The following RBL1 variants were observed in gnomAD, a reference collection of about 807,000 sequenced individuals.
RBL1 encodes retinoblastoma-like protein 1.
Under a neutral mutation model 123.0 loss-of-function variants are expected in RBL1, and 82 were observed. The observed-to-expected ratio is 0.67, with a 90% CI of 0.56 to 0.80. The LOEUF is 0.80. RBL1 is among the 30% of genes least tolerant of loss of function. The pLI is 0.00. For synonymous variants in RBL1, 405 were observed against 441.3 expected (o/e 0.92, Z 1.03); for missense variants, 1,171 against 1,299.6 (o/e 0.90, Z 1.52).
chr20:37,012,626 A>T (rs868863489), intron 19 of RBL1, among the ~76,000 whole-genome samples: 2 of 129,468 alleles, frequency 1.5e-5, no homozygotes, highest in African/African-American at 6.5e-5. Flanking sequence ...CCCTCCGCCC[A>T]GCAGCCACCC....
At chr20:37,069,579 A>T (rs1473838026) in intron 2 of RBL1, among the ~76,000 whole-genome samples, 1 of 141,182 alleles carries the variant, frequency 7.1e-6, no homozygotes, top group East Asian at 2.1e-4. Context: ...CCCGTCTGAG[A>T]AGTGAGGAGA....
intron 19 of RBL1, among the ~76,000 whole-genome samples, chr20:37,012,622 G>A (rs1361050926): frequency 3.5e-5 from 5 of 144,190 alleles, no homozygotes; most frequent in Non-Finnish European, 4.4e-5. Context: ...GAGCCCCTCC[G>A]CCCAGCAGCC....
At chr20:37,005,952 G>A (rs2064065459) in intron 20 of RBL1, among the ~76,000 whole-genome samples, 1 of 142,146 alleles carries the variant, frequency 7.0e-6, no homozygotes, top group Admixed American at 7.5e-5. Context: ...CTGGAGTGTG[G>A]TGGTGCGATT....
At chr20:37,069,407 C>G (rs552358377) in intron 2 of RBL1, among the ~76,000 whole-genome samples, 32 of 147,776 alleles carry the variant, frequency 2.2e-4, no homozygotes, top group African/African-American at 7.6e-4. Context: ...ACCTCTTCCT[C>G]GCCGCCATCC....
chr20:37,084,344 T>C (rs1290056432), intron 2 of RBL1, among the ~76,000 whole-genome samples: 1 of 151,998 alleles, frequency 6.6e-6, no homozygotes, highest in African/African-American at 2.4e-5. Flanking sequence ...CATGGCTAAA[T>C]AGATGAAAGA....
At chr20:37,065,926 TAA>T (rs1425019708) in intron 6 of RBL1, among the ~76,000 whole-genome samples, 1 of 152,142 alleles carries the variant, frequency 6.6e-6, no homozygotes, top group Non-Finnish European at 1.5e-5. Context: ...TGGGATCCTT[TAA>T]AAAAAGTTTA....
intron 16 of RBL1, among the ~76,000 whole-genome samples, chr20:37,031,954 C>G (rs2064520926): frequency 6.7e-6 from 1 of 150,134 alleles, no homozygotes; most frequent in Non-Finnish European, 1.5e-5. Context: ...CACTGTGTCG[C>G]CCAGGGTGGT....
intron 21 of RBL1, among the ~76,000 whole-genome samples, chr20:37,001,341 T>C (rs2063976688): frequency 6.6e-6 from 1 of 151,438 alleles, no homozygotes; most frequent in South Asian, 2.1e-4. Context: ...GGGGAAAAGA[T>C]TGAGAAATCG....
chr20:37,009,378 CTTG>C (rs2064119433), intron 19 of RBL1, among the ~76,000 whole-genome samples: 1 of 152,150 alleles, frequency 6.6e-6, no homozygotes, highest in African/African-American at 2.4e-5. Flanking sequence ...AGGATACTGG[CTTG>C]TTAACAGCTC....
rs757205019 is a variant in RBL1, at chr20:37,095,964, C to T, written c.-36G>A. 2 of 1,454,668 alleles carry T rather than the reference C, an allele frequency of 1.4e-6. No individual in the cohort carries two copies. Among genetic ancestry groups the T allele is most frequent in the African/African-American group, 1.4e-5 (1 of 70,888 alleles). The allele number at this position is 1,454,668 out of a possible 1,614,324, so 90.1% of individuals were successfully genotyped here. A position where few individuals can be genotyped will look rare whatever the true frequency, so the allele number is the denominator to read the frequency against. On this transcript the variant is annotated 5_prime_UTR_variant, in exon 1 of 22. Transcript: ENST00000373664. Reference sequence around the variant, plus strand: ...CCCGCGGGCTGCGCGCCACGGCCCCCGACTTCTTTCTCCCTCCCAGGCGCG... The same window carrying T: ...CCCGCGGGCTGCGCGCCACGGCCCCTGACTTCTTTCTCCCTCCCAGGCGCG...
chr20:37,032,111 C>A (rs1220343225), intron 16 of RBL1, among the ~76,000 whole-genome samples: 3 of 151,846 alleles, frequency 2.0e-5, no homozygotes, highest in Admixed American at 2.0e-4. Flanking sequence ...AAGGTAGAAG[C>A]AACCCAAATG....
chr20:37,079,465 ATTTTT>A lies in RBL1; in HGVS notation c.290+9519_290+9523del, dbSNP rs768901139. Among the ~76,000 whole-genome samples the A allele has an allele frequency of 1.7e-4, 20 of 115,672 alleles. 1 individual carries two copies. Among genetic ancestry groups the A allele is most frequent in the South Asian group, 8.4e-4 (3 of 3,564 alleles). The allele number at this position is 115,672 out of a possible 152,430, so 75.9% of individuals were successfully genotyped here. A position where few individuals can be genotyped will look rare whatever the true frequency, so the allele number is the denominator to read the frequency against. The stretch of plus-strand genomic sequence containing the variant: ...GATTTTTAGATGCTGGGCTTAAAGC[ATTTTT>A]TTTTTTTTTTTTTTTGAGAAGGGTC... On this transcript the variant is annotated intron_variant, in intron 2 of 21. Coordinates refer to ENST00000373664, the MANE Select transcript of RBL1 (RefSeq NM_002895.5).
intron 21 of RBL1, among the ~76,000 whole-genome samples, chr20:37,000,906 A>G (rs2063964836): frequency 7.4e-6 from 1 of 134,446 alleles, no homozygotes; most frequent in African/African-American, 2.8e-5. Flanking sequence ...TGGGGGGGTC[A>G]GCCCCCCGCC....
At chr20:37,034,269 G>A (rs1052552891) in intron 15 of RBL1, among the ~76,000 whole-genome samples, 7 of 151,550 alleles carry the variant, frequency 4.6e-5, no homozygotes, top group Admixed American at 4.6e-4. Flanking sequence ...AAGAATATTC[G>A]GTTTTGTTTT....
At chr20:37,005,201 G>A (rs1326628642) in intron 20 of RBL1, among the ~76,000 whole-genome samples, 1 of 151,188 alleles carries the variant, frequency 6.6e-6, no homozygotes, top group Admixed American at 6.6e-5. Flanking sequence ...GAGGTCAGGA[G>A]TTCAAGACCA....
chr20:37,013,764 A>T (rs990768832), intron 19 of RBL1, among the ~76,000 whole-genome samples: 2 of 152,080 alleles, frequency 1.3e-5, no homozygotes, highest in Non-Finnish European at 2.9e-5. Flanking sequence ...TGGTAGCCTT[A>T]AGGTTGACTG....
intron 16 of RBL1, among the ~76,000 whole-genome samples, chr20:37,026,209 A>AT (rs2064418506): frequency 6.6e-6 from 1 of 152,226 alleles, no homozygotes; most frequent in East Asian, 1.9e-4. Context: ...CAGAAAACAC[A>AT]TTAGAGGTAC....
rs1210147072 is a variant in RBL1, at chr20:37,055,995, C to T, written c.1363+151G>A. 11 of 1,294,858 alleles carry T rather than the reference C, an allele frequency of 8.5e-6. No homozygotes were observed. The Admixed American group carries it at 9.0e-5, about 11-fold the overall frequency. 80.2% of individuals were successfully genotyped at this position (1,294,858 alleles called of 1,614,324 possible). Reference sequence around the variant, plus strand: ...CTGGGAGGAGGAGGTTGCAGTGAGTCGAGATCATGCCATTGCACTCCAGCC... The same window carrying T: ...CTGGGAGGAGGAGGTTGCAGTGAGTTGAGATCATGCCATTGCACTCCAGCC... On this transcript the variant is annotated intron_variant, in intron 10 of 21. Coordinates refer to ENST00000373664, the MANE Select transcript of RBL1 (RefSeq NM_002895.5).
At chr20:37,056,066 A>G in intron 10 of RBL1, 80 bp downstream of exon 10, 7 of 1,500,588 alleles carry the variant, frequency 4.7e-6, no homozygotes, top group Non-Finnish European at 3.5e-6. Context: ...GAATAACGGG[A>G]GAGGAAAAAC....
Sources: gnomAD v4.1 joint callset for allele counts (sites outside exome capture counted in the v4.1 genomes callset) on GRCh38, gnomAD v4.1.1 for gene constraint, MANE v1.5 for transcripts, NCBI Gene and HGNC (gene_info 2026-07-23, HGNC 2026-07-21) for gene names.